ARSK: variants seen among roughly 807,000 people sequenced by gnomAD.
ARSK encodes the protein arylsulfatase K.
In ARSK, 37 loss-of-function variants were observed where a neutral mutation model predicts 53.2. The observed-to-expected ratio is 0.70, with a 90% CI of 0.54 to 0.92. ARSK has a LOEUF of 0.92. Ranked by LOEUF, ARSK falls within the 40% of genes least tolerant of loss-of-function variation. The pLI, the probability that ARSK is intolerant of heterozygous loss-of-function variation, is 0.00. For synonymous variants in ARSK, 208 were observed against 223.2 expected, an observed-to-expected ratio of 0.93 and a Z score of 0.61; for missense variants, 613 against 643.0, an observed-to-expected ratio of 0.95 and a Z score of 0.51.
At chr5:95,588,768 C>T (rs1212019964) in intron 5 of ARSK, among the ~76,000 whole-genome samples, 2 of 152,084 alleles carry the variant, frequency 1.3e-5, no homozygotes, top group East Asian at 3.9e-4. Context: ...TCAAGACCAT[C>T]CTGGCCAACA....
chr5:95,572,368 C>T (rs1452683368), intron 3 of ARSK, among the ~76,000 whole-genome samples: 6 of 152,212 alleles, frequency 3.9e-5, no homozygotes, highest in African/African-American at 1.4e-4. Context: ...TTCTATAACT[C>T]CAATGGAGTA....
chr5:95,580,674 G>A (rs766064079), intron 3 of ARSK, among the ~76,000 whole-genome samples: 1 of 152,156 alleles, frequency 6.6e-6, no homozygotes, highest in Non-Finnish European at 1.5e-5. Context: ...TCCTCTTATT[G>A]TGTTTCATGA....
At position 95,603,364 on chromosome 5, in the gene ARSK, T is replaced by A. The variant is rs1749441232; in HGVS notation, c.1449T>A (p.Tyr483Ter). ...AAGTTTCTGCTTCTGTCCACCAGTA[T>A]AATAAAGAGCAGTTTATCAAGTGGA... is the stretch of plus-strand genomic sequence containing the variant. ...YPKVSASVHQ[Y>*]NKEQFIKWKQ... is the part of the protein sequence containing the mutation. Residue 483 changes from tyrosine (Y) to a stop codon, truncating the protein, a stop_gained, in exon 8 of 8, where the codon TAT (tyrosine) becomes TAA (stop). Transcript: ENST00000380009. LOFTEE classifies it high-confidence loss of function. 1.2e-6 allele frequency: 2 copies of A among 1,613,440 alleles called. No homozygotes were observed. Among genetic ancestry groups the A allele is most frequent in the Non-Finnish European group, 1.7e-6 (2 of 1,179,756 alleles).
intron 6 of ARSK, among the ~76,000 whole-genome samples, chr5:95,597,909 G>A (rs1161344453): frequency 2.0e-5 from 3 of 149,854 alleles, no homozygotes; most frequent in East Asian, 2.0e-4. Context: ...AAAAAAGTGG[G>A]GGGCGGGTAA....
In ARSK at chr5:95,591,119, C is replaced by G. The variant is rs374127760; in HGVS notation, c.872-282C>G. 2.6e-5 allele frequency among the ~76,000 whole-genome samples: 4 copies of G among 152,268 alleles called. No homozygotes were observed. The East Asian group carries it at 7.7e-4, about 29-fold the overall frequency. On this transcript the variant is annotated intron_variant, in intron 5 of 7. Coordinates refer to ENST00000380009, the MANE Select transcript of ARSK (RefSeq NM_198150.3). The stretch of plus-strand genomic sequence containing the variant: ...AGGGGAAGATTTTTTCCCCTATTCT[C>G]TGGTAGAAACCTAGAAAACAAGCCG...
chr5:95,600,389 T>A (rs769847829), intron 6 of ARSK, among the ~76,000 whole-genome samples: 1 of 152,160 alleles, frequency 6.6e-6, no homozygotes, highest in African/African-American at 2.4e-5. Context: ...CATATAAGAC[T>A]ACTAAACCCC....
chr5:95,583,324 A>AATT (rs1554054819), intron 4 of ARSK, 126 bp downstream of exon 4: 2 of 796,394 alleles, frequency 2.5e-6, no homozygotes, highest in Non-Finnish European at 3.6e-6. Context: ...AAACTTGACC[A>AATT]ATAACTAGTA....
intron 7 of ARSK, 138 bp downstream of exon 7, chr5:95,601,209 G>T: frequency 3.4e-6 from 3 of 871,502 alleles, no homozygotes; most frequent in South Asian, 3.5e-5. Context: ...TCTACAAAAG[G>T]TTGCCCATGT....
chr5:95,583,206 A>G lies in ARSK; in HGVS notation c.699+8A>G. 6.5e-7 allele frequency: 1 copy of G among 1,540,344 alleles called. No homozygotes were observed. The highest frequency in any genetic ancestry group is 8.8e-7 in the Non-Finnish European group (1 of 1,137,330). ...CTTTATTGGCTTGAAAAAGTAAGTA[A>G]CTACATTGTGTGTGCTCAAAAGTAG... On this transcript the variant is annotated splice_region_variant and intron_variant, in intron 4 of 7. Coordinates refer to ENST00000380009, the MANE Select transcript of ARSK (RefSeq NM_198150.3).
intron 1 of ARSK, among the ~76,000 whole-genome samples, chr5:95,558,458 T>G (rs1383895512): frequency 6.6e-6 from 1 of 151,968 alleles, no homozygotes; most frequent in East Asian, 1.9e-4. Flanking sequence ...ATCAGCAAAA[T>G]TGACAAACCT....
chr5:95,578,570 T>G (rs7711469), intron 3 of ARSK, among the ~76,000 whole-genome samples: 1 of 152,188 alleles, frequency 6.6e-6, no homozygotes, highest in Non-Finnish European at 1.5e-5. Context: ...TTTTTCCAAT[T>G]TTTTGATTGT....
intron 1 of ARSK, among the ~76,000 whole-genome samples, chr5:95,558,916 G>C (rs1038879236): frequency 6.6e-6 from 1 of 152,196 alleles, no homozygotes; most frequent in Non-Finnish European, 1.5e-5. Context: ...CGAGGTGGGT[G>C]GATCACCTGA....
In ARSK at chr5:95,583,136, C is replaced by T. The variant is rs1489266687; in HGVS notation, c.637C>T (p.Pro213Ser). 1 of 1,605,370 alleles carries T rather than the reference C, an allele frequency of 6.2e-7. No individual in the cohort carries two copies. ...GLNLPHPYPS[P>S]SSGENFGSST... ...AAATTTACCACACCCTTACCCTTCA[C>T]CATCTTCTGGAGAAAATTTTGGATC... Residue 213 changes from proline to serine, a missense_variant, in exon 4 of 8, where the codon CCA becomes TCA. Physicochemically the swap from Pro to Ser is moderately conservative, Grantham distance 74. Transcript: ENST00000380009.
chr5:95,555,422 G>A lies in ARSK; in HGVS notation c.126+18G>A, dbSNP rs368737426. 2.2e-5 allele frequency: 35 copies of A among 1,588,794 alleles called. No individual in the cohort carries two copies. The highest frequency in any genetic ancestry group is 2.7e-5 in the Non-Finnish European group (31 of 1,165,608). On this transcript the variant is annotated intron_variant, in intron 1 of 7. Transcript: ENST00000380009. The surrounding 1 kb of genome is among the most constrained non-coding windows in gnomAD (Gnocchi z 4.0). ...ACTCCTTCGTAAGTACCGCGAGGCA[G>A]GGGAGGGGCGCCCCGCTGGGGATCG...
chr5:95,596,502 T>C (rs1477920434), intron 6 of ARSK, among the ~76,000 whole-genome samples: 1 of 152,192 alleles, frequency 6.6e-6, no homozygotes, highest in East Asian at 1.9e-4. Flanking sequence ...TTGCTTATAG[T>C]GTATTTGACT....
chr5:95,578,220 T>C (rs1038294751), intron 3 of ARSK, among the ~76,000 whole-genome samples: 1 of 152,104 alleles, frequency 6.6e-6, no homozygotes, highest in South Asian at 2.1e-4. Context: ...GGCAGGATCA[T>C]AGCTCACTGA....
At chr5:95,578,278 A>C (rs1748960736) in intron 3 of ARSK, among the ~76,000 whole-genome samples, 1 of 151,956 alleles carries the variant, frequency 6.6e-6, no homozygotes, top group Non-Finnish European at 1.5e-5. Flanking sequence ...CAGCCTCCCA[A>C]GTAGCTAGGA....
chr5:95,583,026 A>G lies in ARSK; in HGVS notation c.527A>G (p.Asp176Gly). 6.2e-7 allele frequency: 1 copy of G among 1,613,880 alleles called. No homozygotes were observed. The highest frequency in any genetic ancestry group is 8.5e-7 in the Non-Finnish European group (1 of 1,179,816). The change falls in exon 4 of 8, where the codon GAT becomes GGT. Residue 176 changes from aspartate (D) to glycine (G), a missense_variant. Transcript: ENST00000380009. The stretch of plus-strand genomic sequence containing the variant: ...ACTAAAGTCAGAGTGATGGAAAGGG[A>G]TTGGCAGAATACAGACAAAGCAGTA... ...NRTKVRVMERDWQNTDKAVNW... is the reference protein window; with the variant it reads ...NRTKVRVMERGWQNTDKAVNW...
chr5:95,555,442 G>C lies in ARSK; in HGVS notation c.126+38G>C, dbSNP rs1748474766. 1 of 1,568,574 alleles carries C rather than the reference G, an allele frequency of 6.4e-7. No homozygotes were observed. Among genetic ancestry groups the C allele is most frequent in the Non-Finnish European group, 8.7e-7 (1 of 1,154,742 alleles). On this transcript the variant is annotated intron_variant, in intron 1 of 7. Coordinates refer to ENST00000380009, the MANE Select transcript of ARSK (RefSeq NM_198150.3). The surrounding 1 kb of genome is among the most constrained non-coding windows in gnomAD (Gnocchi z 4.0). ...AGGCAGGGGAGGGGCGCCCCGCTGG[G>C]GATCGGCGACCTCACCGCCGCCGCC... is the stretch of plus-strand genomic sequence containing the variant.
Sources: allele counts gnomAD v4.1 joint callset (sites outside exome capture counted in the v4.1 genomes callset), GRCh38; gene constraint gnomAD v4.1.1; non-coding constraint Gnocchi (gnomAD v3.1); transcripts MANE v1.5; gene names NCBI Gene and HGNC (gene_info 2026-07-23, HGNC 2026-07-21).